The following PCDHGB3 variants were observed in gnomAD, a reference collection of about 807,000 sequenced individuals.
The protein encoded by PCDHGB3 is protocadherin gamma-B3.
Under a neutral mutation model 59.2 loss-of-function variants are expected in PCDHGB3, and 40 were observed. The observed-to-expected ratio is 0.68, with a 90% CI of 0.52 to 0.88. The LOEUF is 0.88. Among genes scored for constraint, PCDHGB3 ranks in the 40% least tolerant of loss-of-function variants. PCDHGB3 has a pLI of 0.00. For missense variants in PCDHGB3, 1,309 were observed against 1,187.9 expected (o/e 1.10, Z -1.50); for synonymous variants, 581 against 503.6 (o/e 1.15, Z -2.06).
At chr5:141,448,893 C>G (rs957997508) in intron 1 of PCDHGB3, among the ~76,000 whole-genome samples, 2 of 151,948 alleles carry the variant, frequency 1.3e-5, no homozygotes, top group Non-Finnish European at 2.9e-5. Flanking sequence ...TGCAGTGAGC[C>G]GAGATCGTGC....
At position 141,455,034 on chromosome 5, in the gene PCDHGB3, G is replaced by T. The variant is rs112590950; in HGVS notation, c.2416-39773G>T. 8.3e-3 allele frequency among the ~76,000 whole-genome samples: 1,254 copies of T among 150,894 alleles called. 18 individuals are homozygous for T. Among genetic ancestry groups the T allele is most frequent in the African/African-American group, 0.029 (1,191 of 41,122 alleles). ...TCACCGTGTTAGCCAGGATGGTCTC[G>T]ATCTCCTGACCTCGTGATCCGCCCG... On this transcript the variant is annotated intron_variant, in intron 1 of 3. Coordinates refer to ENST00000576222, the MANE Select transcript of PCDHGB3 (RefSeq NM_018924.5).
chr5:141,399,731 CGCCTGCGCTCAGCGCAAACGTGA>C (rs777966215), intron 1 of PCDHGB3: 5 of 1,613,174 alleles, frequency 3.1e-6, no homozygotes, highest in Admixed American at 1.7e-5. Flanking sequence ...GACCAGGGCT[CGCCTGCGCTCAGCGCAAACGTGA>C]GCCTGCGCGT....
intron 1 of PCDHGB3, chr5:141,409,794 C>T (rs1345529657): frequency 1.9e-6 from 3 of 1,611,732 alleles, no homozygotes; most frequent in South Asian, 1.1e-5. Flanking sequence ...TTCGCGCTCA[C>T]GCTGCAGGCC....
At chr5:141,415,754 T>TTTG (rs2095935149) in intron 1 of PCDHGB3, 3 of 1,385,710 alleles carry the variant, frequency 2.2e-6, no homozygotes, top group African/African-American at 1.5e-5. Context: ...TTTTTTTTTT[T>TTTG]TTTTTTTTTT....
At chr5:141,419,570 G>A (rs751047365) in intron 1 of PCDHGB3, 3 of 1,611,764 alleles carry the variant, frequency 1.9e-6, no homozygotes, top group Non-Finnish European at 2.5e-6. Flanking sequence ...GGGTCCCGAC[G>A]GCTCCGCGCT....
rs756152313 is a variant in PCDHGB3 at position 141,371,684 on chromosome 5, A to T, written c.1290A>T (p.Pro430=). The change falls in exon 1 of 4, where the codon CCA becomes CCT. Residue 430 remains proline (P), a synonymous_variant. Coordinates refer to ENST00000576222, the MANE Select transcript of PCDHGB3 (RefSeq NM_018924.5). ...VTITATDKGN[P]PLSSSKTITL... Reference sequence around the variant, plus strand: ...TCACAGCTACCGACAAAGGCAATCCACCGCTCTCCTCCAGCAAGACCATCA... The same window carrying T: ...TCACAGCTACCGACAAAGGCAATCCTCCGCTCTCCTCCAGCAAGACCATCA... The T allele has an allele frequency of 1.9e-6, 3 of 1,614,050 alleles. No individual in the cohort carries two copies. The highest frequency in any genetic ancestry group is 1.7e-6 in the Non-Finnish European group (2 of 1,179,910).
At chr5:141,413,342 TG>T in intron 1 of PCDHGB3, 1 of 1,613,974 alleles carries the variant, frequency 6.2e-7, no homozygotes, top group South Asian at 1.1e-5. Flanking sequence ...TCCAAGGACT[TG>T]GGTCTGGCGC....
At chr5:141,388,893 G>C in intron 1 of PCDHGB3, 2 of 1,613,982 alleles carry the variant, frequency 1.2e-6, no homozygotes, top group South Asian at 2.2e-5. Flanking sequence ...AGAAGTCATA[G>C]ATGAAAATGA....
At chr5:141,430,918 G>T (rs766412276) in intron 1 of PCDHGB3, 2 of 1,607,866 alleles carry the variant, frequency 1.2e-6, no homozygotes, top group South Asian at 2.2e-5. Context: ...GGGACCTGGG[G>T]CTGGAGCCCC....
At position 141,431,178 on chromosome 5, in the gene PCDHGB3, T is replaced by A; in HGVS notation, c.2415+58369T>A. 2 of 1,614,078 alleles carry A rather than the reference T, an allele frequency of 1.2e-6. No individual in the cohort carries two copies. Among genetic ancestry groups the A allele is most frequent in the Non-Finnish European group, 1.7e-6 (2 of 1,180,000 alleles). On this transcript the variant is annotated intron_variant, in intron 1 of 3. Coordinates refer to ENST00000576222, the MANE Select transcript of PCDHGB3 (RefSeq NM_018924.5). This position sits in a 1 kb window ranked among gnomAD's most constrained non-coding sequence, Gnocchi z 4.8. ...TACTTTCGTGAAAGTGAATTAGAAATAAAAATTAGTGAAAATGCAGCCACT... is the reference window on the plus strand; with the variant it reads ...TACTTTCGTGAAAGTGAATTAGAAAAAAAAATTAGTGAAAATGCAGCCACT...
chr5:141,472,254 T>C (rs1031738513), intron 1 of PCDHGB3, among the ~76,000 whole-genome samples: 1 of 152,074 alleles, frequency 6.6e-6, no homozygotes, highest in Admixed American at 6.6e-5. Context: ...TTTAAAGTTA[T>C]ATTATAGCCG....
chr5:141,443,163 T>C (rs1054542792), intron 1 of PCDHGB3, among the ~76,000 whole-genome samples: 3 of 152,172 alleles, frequency 2.0e-5, no homozygotes, highest in Non-Finnish European at 4.4e-5. Context: ...TTTATTTCCC[T>C]ACCCATGTCC....
chr5:141,433,643 C>A (rs899772934), intron 1 of PCDHGB3, among the ~76,000 whole-genome samples: 13 of 152,070 alleles, frequency 8.5e-5, no homozygotes, highest in African/African-American at 2.7e-4. Context: ...TGAGACCAGC[C>A]TGACCAACAT....
At chr5:141,404,465 G>C in intron 1 of PCDHGB3, 1 of 1,613,516 alleles carries the variant, frequency 6.2e-7, no homozygotes, top group Non-Finnish European at 8.5e-7. Flanking sequence ...CTCCACCTAT[G>C]TCTCTATTAA....
Position 141,388,177 on chromosome 5 carries a change from A to T in PCDHGB3, c.2415+15368A>T, listed in dbSNP as rs778496978. 25 of 1,515,690 alleles carry T rather than the reference A, an allele frequency of 1.6e-5. No individual in the cohort carries two copies. The Admixed American group carries it at 4.5e-4, about 27-fold the overall frequency. 93.9% of individuals were successfully genotyped at this position (1,515,690 alleles called of 1,614,324 possible). On this transcript the variant is annotated intron_variant, in intron 1 of 3. Coordinates refer to ENST00000576222, the MANE Select transcript of PCDHGB3 (RefSeq NM_018924.5). The stretch of plus-strand genomic sequence containing the variant: ...CTAGACAGGGAGGAGATATGCGGGA[A>T]GAAGCCAGCTTGTGCTCTGGAATTT...
chr5:141,489,707 G>A lies in PCDHGB3; in HGVS notation c.2416-5100G>A. 6.2e-7 allele frequency: 1 copy of A among 1,614,194 alleles called. No individual in the cohort carries two copies. Among genetic ancestry groups the A allele is most frequent in the Non-Finnish European group, 8.5e-7 (1 of 1,180,022 alleles). The stretch of plus-strand genomic sequence containing the variant: ...TCTGGGGCACGATTCCCACTGGACA[G>A]TGCCCAGGATCCGGATGTGGGCACC... On this transcript the variant is annotated intron_variant, in intron 1 of 3. Transcript: ENST00000576222. The surrounding 1 kb of genome is among the most constrained non-coding windows in gnomAD (Gnocchi z 4.5).
chr5:141,378,325 C>A (rs1344220335), intron 1 of PCDHGB3: 3 of 152,200 alleles, frequency 2.0e-5, no homozygotes, highest in African/African-American at 7.2e-5. Flanking sequence ...GAGTTCGAGA[C>A]CAGCCTGACC....
At chr5:141,404,815 G>A in intron 1 of PCDHGB3, 2 of 1,610,532 alleles carry the variant, frequency 1.2e-6, no homozygotes, top group South Asian at 1.1e-5. Flanking sequence ...CGGTGGGGCT[G>A]CACACAGGTG....
At chr5:141,373,472 A>G (rs1012142467) in intron 1 of PCDHGB3, among the ~76,000 whole-genome samples, 1 of 152,230 alleles carries the variant, frequency 6.6e-6, no homozygotes, top group African/African-American at 2.4e-5. Context: ...GCAATGAGCT[A>G]TAATTGTGCC....
Sources: gnomAD v4.1 joint callset for allele counts (sites outside exome capture counted in the v4.1 genomes callset) on GRCh38, gnomAD v4.1.1 for gene constraint, Gnocchi (gnomAD v3.1) non-coding constraint, MANE v1.5 for transcripts, NCBI Gene and HGNC (gene_info 2026-07-23, HGNC 2026-07-21) for gene names.